The following WWC2 variants were observed in gnomAD, a reference collection of about 807,000 sequenced individuals.
The protein encoded by WWC2 is WW and C2 domain containing 2, also known as protein WWC2.
WWC2 carries 101 observed loss-of-function variants against 138.5 expected under a neutral mutation model. The observed-to-expected ratio is 0.73, with a 90% CI of 0.62 to 0.86. WWC2 has a LOEUF of 0.86. Among genes scored for constraint, WWC2 ranks in the 40% least tolerant of loss-of-function variants. The pLI, the probability that WWC2 is intolerant of heterozygous loss-of-function variation, is 0.00. For missense variants in WWC2, 1,420 were observed against 1,419.4 expected (o/e 1.00, Z -0.01); for synonymous variants, 558 against 538.4 (o/e 1.04, Z -0.50).
At chr4:183,132,184 AC>A (rs879338791) in intron 1 of WWC2, among the ~76,000 whole-genome samples, 4 of 151,930 alleles carry the variant, frequency 2.6e-5, no homozygotes, top group Non-Finnish European at 4.4e-5. Flanking sequence ...AAATAATGAC[AC>A]TCTTGTTGTT....
At chr4:183,306,281 G>C (rs1224651990) in intron 21 of WWC2, among the ~76,000 whole-genome samples, 1 of 152,170 alleles carries the variant, frequency 6.6e-6, no homozygotes, top group Non-Finnish European at 1.5e-5. Context: ...TATTCCAGCT[G>C]TTTCATTAAT....
intron 1 of WWC2, among the ~76,000 whole-genome samples, chr4:183,136,846 T>A (rs1012542260): frequency 5.9e-5 from 9 of 152,252 alleles, no homozygotes; most frequent in Admixed American, 2.6e-4. Context: ...ACTGCTGTCA[T>A]AGAGTGTACT....
At chr4:183,313,671 A>G (rs1560900960) in intron 22 of WWC2, among the ~76,000 whole-genome samples, 1 of 151,816 alleles carries the variant, frequency 6.6e-6, no homozygotes, top group Non-Finnish European at 1.5e-5. Context: ...TGGGCCAGAC[A>G]TCCCAGAAAA....
At chr4:183,172,734 A>G (rs867366249) in intron 1 of WWC2, among the ~76,000 whole-genome samples, 1 of 152,014 alleles carries the variant, frequency 6.6e-6, no homozygotes, top group African/African-American at 2.4e-5. Flanking sequence ...TCAAGAAACC[A>G]GTGTCATTCA....
At chr4:183,110,815 T>C (rs1732206705) in intron 1 of WWC2, among the ~76,000 whole-genome samples, 1 of 152,194 alleles carries the variant, frequency 6.6e-6, no homozygotes. Context: ...TGGTGTGAAC[T>C]TTGCTCCTGC....
chr4:183,299,347 G>A (rs371503212), intron 21 of WWC2, among the ~76,000 whole-genome samples: 12 of 152,060 alleles, frequency 7.9e-5, no homozygotes, highest in African/African-American at 2.9e-4. Context: ...TGCCAAGCCC[G>A]CTGCCCCTCC....
At chr4:183,101,831 T>C (rs549238927) in intron 1 of WWC2, among the ~76,000 whole-genome samples, 8 of 152,246 alleles carry the variant, frequency 5.3e-5, no homozygotes, top group Non-Finnish European at 1.0e-4. Flanking sequence ...ACTATGGGTC[T>C]GCAGTACTTT....
At chr4:183,117,215 C>CTTTTTTTTTTTTT (rs923478529) in intron 1 of WWC2, among the ~76,000 whole-genome samples, 1 of 95,670 alleles carries the variant, frequency 1.0e-5, no homozygotes, top group Non-Finnish European at 2.0e-5. Flanking sequence ...CATTCTTCTT[C>CTTTTTTTTTTTTT]TTTTTTTTTT....
intron 11 of WWC2, among the ~76,000 whole-genome samples, chr4:183,263,312 G>A (rs551580539): frequency 6.6e-6 from 1 of 152,202 alleles, no homozygotes; most frequent in African/African-American, 2.4e-5. Context: ...AGAGTGATGA[G>A]GGAAAAAGTT....
At chr4:183,116,703 A>T (rs1040602476) in intron 1 of WWC2, among the ~76,000 whole-genome samples, 1 of 152,220 alleles carries the variant, frequency 6.6e-6, no homozygotes, top group African/African-American at 2.4e-5. Context: ...CTTAATTCTT[A>T]TGCTACCTGT....
chr4:183,295,901 G>GTGT (rs1738617850), intron 21 of WWC2, among the ~76,000 whole-genome samples: 1 of 152,216 alleles, frequency 6.6e-6, no homozygotes, highest in African/African-American at 2.4e-5. Flanking sequence ...CTCAGACATA[G>GTGT]TGTAAGGTTG....
chr4:183,229,890 A>T (rs760156874), intron 4 of WWC2, among the ~76,000 whole-genome samples: 1 of 152,106 alleles, frequency 6.6e-6, no homozygotes. Context: ...CAGCGGCTCA[A>T]TCCGGCTCAC....
At chr4:183,167,279 G>A (rs941434397) in intron 1 of WWC2, among the ~76,000 whole-genome samples, 5 of 152,144 alleles carry the variant, frequency 3.3e-5, no homozygotes, top group African/African-American at 7.2e-5. Flanking sequence ...AGAACCTACC[G>A]TATGCTAGAC....
At chr4:183,255,405 A>G (rs77136517) in intron 9 of WWC2, among the ~76,000 whole-genome samples, 54 of 152,136 alleles carry the variant, frequency 3.5e-4, no homozygotes, top group Non-Finnish European at 7.5e-4. Flanking sequence ...AATTACCCTG[A>G]TGTGTCTAAA....
Position 183,319,682 on chromosome 4 carries a change from T to A in WWC2, c.*3953T>A, listed in dbSNP as rs1166061034. ...AGGCTGCACAGTGGAGCAGACACCC[T>A]CCTAGCAGAAGAGAAAGTCCAGCAA... On this transcript the variant is annotated 3_prime_UTR_variant, in exon 23 of 23. Transcript: ENST00000403733. The A allele has an allele frequency of 1.9e-6, 3 of 1,613,920 alleles. No individual in the cohort carries two copies. Among genetic ancestry groups the A allele is most frequent in the African/African-American group, 2.7e-5 (2 of 74,852 alleles).
At chr4:183,192,840 A>G (rs1223481482) in intron 1 of WWC2, among the ~76,000 whole-genome samples, 1 of 152,134 alleles carries the variant, frequency 6.6e-6, no homozygotes, top group Non-Finnish European at 1.5e-5. Context: ...CAAAAGCAAA[A>G]TGCAAGAGAG....
rs2111060370 is a variant in WWC2, at chr4:183,282,892, A to G, written c.2869A>G (p.Arg957Gly). 6.3e-7 allele frequency: 1 copy of G among 1,582,136 alleles called. No homozygotes were observed. Among genetic ancestry groups the G allele is most frequent in the Non-Finnish European group, 8.6e-7 (1 of 1,163,614 alleles). Reference sequence around the variant, plus strand: ...AGACCTCAGAAGTCAGCCACCTACTAGAATACCAACACTGGTGACTATTCC... The same window carrying G: ...AGACCTCAGAAGTCAGCCACCTACTGGAATACCAACACTGGTGACTATTCC... Reference protein sequence around the residue: ...AKDLRSQPPTRIPTLVDKETN... With the variant: ...AKDLRSQPPTGIPTLVDKETN... Residue 957 changes from arginine (R) to glycine (G), a missense_variant, in exon 18 of 23, where the codon AGA (arginine) becomes GGA (glycine). Coordinates refer to ENST00000403733, the MANE Select transcript of WWC2 (RefSeq NM_024949.6).
In WWC2 at chr4:183,123,113, A is replaced by G. The variant is rs556382524; in HGVS notation, c.131+23491A>G. ...ACTACTAAGGAGAGCCGTTGGCACAATGTATGTCAGGTTAAACATTTGCAT... is the reference window on the plus strand; with the variant it reads ...ACTACTAAGGAGAGCCGTTGGCACAGTGTATGTCAGGTTAAACATTTGCAT... On this transcript the variant is annotated intron_variant, in intron 1 of 22. Transcript: ENST00000403733. 3.9e-5 allele frequency among the ~76,000 whole-genome samples: 6 copies of G among 152,240 alleles called. No homozygotes were observed. In the South Asian group the frequency reaches 8.3e-4, roughly 21 times the overall value.
intron 4 of WWC2, among the ~76,000 whole-genome samples, chr4:183,237,129 G>T (rs1736451983): frequency 1.3e-5 from 2 of 152,154 alleles, no homozygotes; most frequent in African/African-American, 2.4e-5. Context: ...CAAAGCCATC[G>T]TGAGTTGGGC....
Sources: allele counts gnomAD v4.1 joint callset (sites outside exome capture counted in the v4.1 genomes callset), GRCh38; gene constraint gnomAD v4.1.1; transcripts MANE v1.5; gene names NCBI Gene and HGNC (gene_info 2026-07-23, HGNC 2026-07-21).